CRYBG1: variants seen among roughly 807,000 people sequenced by gnomAD.
CRYBG1 encodes the protein crystallin beta-gamma domain containing 1.
In CRYBG1, 139 loss-of-function variants were observed where a neutral mutation model predicts 189.2. The ratio of observed to expected loss-of-function variants is 0.73; its 90% CI spans 0.64 to 0.85. CRYBG1 has a LOEUF of 0.85. CRYBG1 is among the 40% of genes least tolerant of loss of function. CRYBG1 has a pLI of 0.00. For missense variants in CRYBG1, 2,611 were observed against 2,675.8 expected, an observed-to-expected ratio of 0.98 and a Z score of 0.53; for synonymous variants, 1,023 against 1,017.1, an observed-to-expected ratio of 1.01 and a Z score of -0.11.
At chr6:106,453,330 T>C (rs574330850) in intron 2 of CRYBG1, among the ~76,000 whole-genome samples, 26 of 152,288 alleles carry the variant, frequency 1.7e-4, no homozygotes, top group African/African-American at 5.5e-4. Context: ...GCTTGGTAAC[T>C]CAAAATAGCA....
chr6:106,365,553 G>A (rs1162061775), intron 1 of CRYBG1, among the ~76,000 whole-genome samples: 1 of 151,188 alleles, frequency 6.6e-6, no homozygotes, highest in African/African-American at 2.4e-5. Flanking sequence ...CCTCCCAAGT[G>A]CTAGGATTAC....
chr6:106,530,433 T>C (rs907658518), intron 8 of CRYBG1, 118 bp downstream of exon 8: 2 of 984,850 alleles, frequency 2.0e-6, no homozygotes, highest in Admixed American at 5.3e-5. Context: ...AATTATTAAC[T>C]GTAAGGTATA....
At chr6:106,513,102 A>G (rs72939435) in intron 3 of CRYBG1, 63 bp downstream of exon 3, 69,019 of 1,529,842 alleles carry the variant, frequency 0.045, 1,737 homozygotes, top group Non-Finnish European at 0.052. Context: ...GTCCGCTCTG[A>G]GAGGCTCGGG....
intron 2 of CRYBG1, among the ~76,000 whole-genome samples, chr6:106,483,401 T>TATATATATAAA: frequency 1.0e-5 from 1 of 95,596 alleles, no homozygotes; most frequent in Non-Finnish European, 2.5e-5. Context: ...GATATATATA[T>TATATATATAAA]AAAACATTTT....
intron 2 of CRYBG1, among the ~76,000 whole-genome samples, chr6:106,509,006 C>T (rs1234367219): frequency 1.3e-5 from 2 of 151,646 alleles, no homozygotes; most frequent in Non-Finnish European, 2.9e-5. Context: ...ATGGGAAAAG[C>T]AGATTGCAAC....
chr6:106,490,852 C>A (rs183237818), intron 2 of CRYBG1, among the ~76,000 whole-genome samples: 16 of 152,036 alleles, frequency 1.1e-4, no homozygotes, highest in Non-Finnish European at 1.9e-4. Flanking sequence ...TGTGAAAAGG[C>A]CTGTTGCTCT....
intron 8 of CRYBG1, among the ~76,000 whole-genome samples, chr6:106,535,798 G>C (rs1773993343): frequency 0.031 from 1 of 32 alleles, no homozygotes; most frequent in African/African-American, 0.17. Flanking sequence ...TTTTTTTTGA[G>C]ACGGAGTCTC....
At chr6:106,545,283 T>A (rs1774242953) in intron 13 of CRYBG1, among the ~76,000 whole-genome samples, 1 of 152,190 alleles carries the variant, frequency 6.6e-6, no homozygotes, top group African/African-American at 2.4e-5. Flanking sequence ...TGGGTCAAAG[T>A]CCCAGTAGAT....
chr6:106,389,440 A>G (rs1156836067), intron 1 of CRYBG1, among the ~76,000 whole-genome samples: 1 of 152,152 alleles, frequency 6.6e-6, no homozygotes, highest in East Asian at 1.9e-4. Flanking sequence ...ATTCAATTCT[A>G]CATGTCCAAT....
chr6:106,482,452 C>G (rs980786623), intron 2 of CRYBG1, among the ~76,000 whole-genome samples: 1 of 152,142 alleles, frequency 6.6e-6, no homozygotes, highest in Non-Finnish European at 1.5e-5. Flanking sequence ...AGGGAAAGTA[C>G]ACCAGAGAGC....
Position 106,571,557 on chromosome 6 carries a change from G to GGT in CRYBG1, c.*2995_*2996dup, listed in dbSNP as rs1190184389. Reference sequence around the variant, plus strand: ...ACTAAAAATACAAAAAAACTAGCTGGGTGTGGTGATGCATACCTGTAGTCC... The same window carrying GGT: ...ACTAAAAATACAAAAAAACTAGCTGGGTGTGTGGTGATGCATACCTGTAGTCC... On this transcript the variant is annotated 3_prime_UTR_variant, in exon 22 of 22. Coordinates refer to ENST00000633556, the MANE Select transcript of CRYBG1 (RefSeq NM_001371242.2). 1 of 155,020 alleles carries GGT rather than the reference G, an allele frequency of 6.5e-6. No homozygotes were observed. Among genetic ancestry groups the GGT allele is most frequent in the African/African-American group, 2.4e-5 (1 of 41,418 alleles). 9.6% of individuals were successfully genotyped at this position (155,020 alleles called of 1,614,324 possible).
At chr6:106,392,245 C>T (rs1466729856) in intron 1 of CRYBG1, among the ~76,000 whole-genome samples, 1 of 152,094 alleles carries the variant, frequency 6.6e-6, no homozygotes, top group Admixed American at 6.6e-5. Flanking sequence ...TTGCCCTTTG[C>T]TCCCCAAGCC....
intron 1 of CRYBG1, among the ~76,000 whole-genome samples, chr6:106,361,957 A>ATTTCTTTCTTTCTTTC (rs1554229458): frequency 7.9e-6 from 1 of 126,704 alleles, no homozygotes; most frequent in Admixed American, 8.7e-5. Context: ...TTTTCCTTTT[A>ATTTCTTTCTTTCTTTC]TTTCTTTCTT....
At position 106,465,223 on chromosome 6, in the gene CRYBG1, T is replaced by C. The variant is rs115816514; in HGVS notation, c.312+13391T>C. Reference sequence around the variant, plus strand: ...CTCTCCAGGGCGGGGAACTAACATCTTATTGACACCTATTACAGTGCCTGG... The same window carrying C: ...CTCTCCAGGGCGGGGAACTAACATCCTATTGACACCTATTACAGTGCCTGG... On this transcript the variant is annotated intron_variant, in intron 2 of 21. Coordinates refer to ENST00000633556, the MANE Select transcript of CRYBG1 (RefSeq NM_001371242.2). Among the ~76,000 whole-genome samples the C allele has an allele frequency of 1.7e-3, 252 of 152,332 alleles. 2 individuals are homozygous for C. The highest frequency in any genetic ancestry group is 5.9e-3 in the African/African-American group (244 of 41,568).
At chr6:106,434,180 GAAAGAGAGAGAA>G (rs1771409477) in intron 1 of CRYBG1, among the ~76,000 whole-genome samples, 1 of 151,146 alleles carries the variant, frequency 6.6e-6, no homozygotes, top group Non-Finnish European at 1.5e-5. Flanking sequence ...GATTGAGACA[GAAAGAGAGAGAA>G]AGAAAGAGAG....
At chr6:106,529,946 T>C (rs542468724) in intron 7 of CRYBG1, among the ~76,000 whole-genome samples, 1 of 152,338 alleles carries the variant, frequency 6.6e-6, no homozygotes, top group African/African-American at 2.4e-5. Context: ...GATCTTTGCT[T>C]GAATGCAACA....
intron 1 of CRYBG1, among the ~76,000 whole-genome samples, chr6:106,394,744 T>G (rs565075134): frequency 6.6e-6 from 1 of 152,290 alleles, no homozygotes; most frequent in South Asian, 2.1e-4. Flanking sequence ...ACACAAACAT[T>G]GAGGAAAGCT....
At position 106,447,483 on chromosome 6, in the gene CRYBG1, G is replaced by A. The variant is rs537641743; in HGVS notation, c.174-4211G>A. On this transcript the variant is annotated intron_variant, in intron 1 of 21. Coordinates refer to ENST00000633556, the MANE Select transcript of CRYBG1 (RefSeq NM_001371242.2). ...ACAAAAGATAAATGCTTGAGGGGAT[G>A]GATGCCCCATTCTTGATGATGTGAT... Among the ~76,000 whole-genome samples, 4 of 150,930 alleles carry A rather than the reference G, an allele frequency of 2.7e-5. No homozygotes were observed. In the East Asian group the frequency reaches 7.8e-4, roughly 30 times the overall value.
intron 2 of CRYBG1, among the ~76,000 whole-genome samples, chr6:106,480,673 A>C (rs146428970): frequency 1.1e-5 from 1 of 89,980 alleles, no homozygotes; most frequent in Non-Finnish European, 2.0e-5. Flanking sequence ...TCTCAAAAAG[A>C]AAAAAAAAAA....
Sources: gnomAD v4.1 joint callset for allele counts (sites outside exome capture counted in the v4.1 genomes callset) on GRCh38, gnomAD v4.1.1 for gene constraint, MANE v1.5 for transcripts, NCBI Gene and HGNC (gene_info 2026-07-23, HGNC 2026-07-21) for gene names.